The following MGAT4D variants were observed in gnomAD, a reference collection of about 807,000 sequenced individuals.
The protein encoded by MGAT4D is MGAT4 family member D.
In MGAT4D, 34 loss-of-function variants were observed where a neutral mutation model predicts 15.9. The ratio of observed to expected loss-of-function variants is 2.14; its 90% CI spans 1.62 to 2.84. The LOEUF is 2.84. Among genes scored for constraint, MGAT4D ranks in the 30% most tolerant of loss-of-function variants. The pLI, the probability that MGAT4D is intolerant of heterozygous loss-of-function variation, is 0.00. For missense variants in MGAT4D, 327 were observed against 140.2 expected (o/e 2.33, Z -6.73); for synonymous variants, 112 against 48.2 (o/e 2.33, Z -5.49).
intron 5 of MGAT4D, among the ~76,000 whole-genome samples, chr4:140,465,403 C>A (rs1263041822): frequency 6.6e-6 from 1 of 152,136 alleles, no homozygotes. Flanking sequence ...TACTGAATAG[C>A]AATGTGGCTC....
intron 10 of MGAT4D, among the ~76,000 whole-genome samples, chr4:140,446,137 G>A (rs1195456641): frequency 6.6e-6 from 1 of 151,936 alleles, no homozygotes; most frequent in South Asian, 2.1e-4. Flanking sequence ...TTTTGTTGTT[G>A]TTGTGTCTCT....
intron 7 of MGAT4D, among the ~76,000 whole-genome samples, chr4:140,461,618 C>A (rs1487794477): frequency 2.0e-5 from 3 of 152,020 alleles, no homozygotes; most frequent in Non-Finnish European, 4.4e-5. Flanking sequence ...TAAATATAGG[C>A]ATACAATTTC....
chr4:140,479,881 G>A (rs187895281), intron 2 of MGAT4D, among the ~76,000 whole-genome samples: 2 of 152,174 alleles, frequency 1.3e-5, no homozygotes, highest in East Asian at 3.9e-4. Flanking sequence ...CAATGGAACT[G>A]TCAGTTCCAA....
chr4:140,447,401 A>G (rs1730201963), intron 10 of MGAT4D, among the ~76,000 whole-genome samples: 2 of 152,160 alleles, frequency 1.3e-5, no homozygotes, highest in South Asian at 4.1e-4. Flanking sequence ...AGTTTAGTGC[A>G]TATATATTTA....
At chr4:140,489,897 G>A (rs796207363) in intron 1 of MGAT4D, among the ~76,000 whole-genome samples, 4 of 152,268 alleles carry the variant, frequency 2.6e-5, no homozygotes, top group African/African-American at 4.8e-5. Context: ...ATATGGTATA[G>A]GTACTGATCA....
chr4:140,445,677 C>T (rs548795000), intron 10 of MGAT4D, among the ~76,000 whole-genome samples: 1 of 152,242 alleles, frequency 6.6e-6, no homozygotes, highest in African/African-American at 2.4e-5. Flanking sequence ...ACATTTAAGG[C>T]TTTAATCCAA....
intron 10 of MGAT4D, among the ~76,000 whole-genome samples, chr4:140,445,565 G>A (rs182123725): frequency 6.6e-6 from 1 of 152,080 alleles, no homozygotes; most frequent in Non-Finnish European, 1.5e-5. Flanking sequence ...TGTTTTTATT[G>A]CAATTCCTTT....
intron 3 of MGAT4D, among the ~76,000 whole-genome samples, chr4:140,478,449 C>A (rs975536663): frequency 6.6e-6 from 1 of 152,164 alleles, no homozygotes; most frequent in Non-Finnish European, 1.5e-5. Context: ...CAGCTTTTGT[C>A]TAGCATGTAC....
intron 7 of MGAT4D, 47 bp downstream of exon 7, chr4:140,461,880 TAC>T (rs10644682): frequency 0.11 from 60,103 of 529,566 alleles, 851 homozygotes; most frequent in South Asian, 0.14. Context: ...AATTGGTGTA[TAC>T]ACACACACAC....
chr4:140,443,024 T>C lies in MGAT4D; in HGVS notation c.*412A>G. On this transcript the variant is annotated 3_prime_UTR_variant, in exon 11 of 11. Transcript: ENST00000511113. Reference sequence around the variant, plus strand: ...TGGCACTGTCAGATCCAGGCTTGTTTAAATTTGTGCTTTCTATTTCTTTAG... The same window carrying C: ...TGGCACTGTCAGATCCAGGCTTGTTCAAATTTGTGCTTTCTATTTCTTTAG... 6.6e-6 allele frequency: 1 copy of C among 152,550 alleles called. No individual in the cohort carries two copies. The highest frequency in any genetic ancestry group is 1.9e-4 in the East Asian group (1 of 5,210). The allele number at this position is 152,550 out of a possible 1,614,324, so 9.4% of individuals were successfully genotyped here.
intron 2 of MGAT4D, among the ~76,000 whole-genome samples, chr4:140,480,446 A>T (rs1732626180): frequency 1.3e-5 from 2 of 152,162 alleles, no homozygotes; most frequent in Admixed American, 6.5e-5. Flanking sequence ...GATACAATAT[A>T]ACAATACAAA....
chr4:140,453,876 T>C (rs1046807900), intron 9 of MGAT4D, among the ~76,000 whole-genome samples: 1 of 152,216 alleles, frequency 6.6e-6, no homozygotes, highest in African/African-American at 2.4e-5. Context: ...TAGTTACTTA[T>C]AGCAGTGTGA....
At position 140,442,455 on chromosome 4, in the gene MGAT4D, A is replaced by C. The variant is rs1468912480; in HGVS notation, c.*981T>G. On this transcript the variant is annotated 3_prime_UTR_variant, in exon 11 of 11. Transcript: ENST00000511113. ...TAATACCTTACAGAATAACATCAAG[A>C]AGAAAAATAGATTTTAATGGGCCCC... 1 of 152,172 alleles carries C rather than the reference A, an allele frequency of 6.6e-6. No homozygotes were observed. Among genetic ancestry groups the C allele is most frequent in the Non-Finnish European group, 1.5e-5 (1 of 68,010 alleles). 9.4% of individuals were successfully genotyped at this position (152,172 alleles called of 1,614,324 possible).
intron 1 of MGAT4D, among the ~76,000 whole-genome samples, chr4:140,483,785 G>A (rs566947516): frequency 1.3e-5 from 2 of 151,984 alleles, no homozygotes; most frequent in East Asian, 1.9e-4. Context: ...CAATAAAAAC[G>A]TGTTTGGAAA....
rs1203871530 is a variant in MGAT4D at position 140,451,422 on chromosome 4, T to C, written c.1104A>G (p.Glu368=). The change falls in exon 10 of 11, where the codon GAA becomes GAG. Residue 368 remains glutamate, a synonymous_variant. Transcript: ENST00000511113. The part of the protein sequence containing the change: ...VGIHSSFPRK[E]QYEKKI Reference sequence around the variant, plus strand: ...TTCAAAATCTTACTTTTTCATATTGTTCTTTTCTAGGGAATGATGAATGTA... The same window carrying C: ...TTCAAAATCTTACTTTTTCATATTGCTCTTTTCTAGGGAATGATGAATGTA... 6.7e-6 allele frequency: 4 copies of C among 601,444 alleles called. No individual in the cohort carries two copies. Among genetic ancestry groups the C allele is most frequent in the East Asian group, 5.8e-5 (2 of 34,434 alleles). The allele number at this position is 601,444 out of a possible 1,614,324, so 37.3% of individuals were successfully genotyped here. A position where few individuals can be genotyped will look rare whatever the true frequency, so the allele number is the denominator to read the frequency against.
intron 7 of MGAT4D, 29 bp downstream of exon 7, chr4:140,461,900 C>T: frequency 1.5e-6 from 1 of 688,768 alleles, no homozygotes; most frequent in African/African-American, 1.8e-5. Flanking sequence ...CACACACACA[C>T]ACACACACAC....
chr4:140,463,016 T>C (rs991093376), intron 6 of MGAT4D, among the ~76,000 whole-genome samples: 1 of 151,698 alleles, frequency 6.6e-6, no homozygotes, highest in African/African-American at 2.4e-5. Context: ...GTTCCCAAAG[T>C]GTAAGGGGGG....
chr4:140,480,725 C>G (rs1732649349), intron 2 of MGAT4D, among the ~76,000 whole-genome samples: 1 of 137,284 alleles, frequency 7.3e-6, no homozygotes, highest in Non-Finnish European at 1.5e-5. Context: ...ACCCTCATCT[C>G]TAAACACACA....
intron 3 of MGAT4D, among the ~76,000 whole-genome samples, chr4:140,475,614 T>A (rs1242454076): frequency 8.3e-6 from 1 of 121,032 alleles, no homozygotes; most frequent in Non-Finnish European, 1.6e-5. Context: ...AATGGCTAAG[T>A]GAGAAACTCA....
Sources: allele counts gnomAD v4.1 joint callset (sites outside exome capture counted in the v4.1 genomes callset), GRCh38; gene constraint gnomAD v4.1.1; transcripts MANE v1.5; gene names NCBI Gene and HGNC (gene_info 2026-07-23, HGNC 2026-07-21).